FBXO11: variants seen among roughly 807,000 people sequenced by gnomAD.
The protein encoded by FBXO11 is F-box protein 11, also known as F-box only protein 11.
Under a neutral mutation model 117.0 loss-of-function variants are expected in FBXO11, and 13 were observed. That is an observed-to-expected ratio of 0.11 (90% confidence interval 0.07 to 0.18). The LOEUF (loss-of-function observed/expected upper bound fraction) is 0.18. Among genes scored for constraint, FBXO11 ranks in the 10% least tolerant of loss-of-function variants. The probability of loss-of-function intolerance (pLI) is 1.00; values close to 1 mark genes in which losing one functional copy is unlikely to be tolerated. For synonymous variants in FBXO11, 490 were observed against 380.5 expected (o/e 1.29, Z -3.35); for missense variants, 767 against 1,164.4 (o/e 0.66, Z 4.97).
At position 47,818,874 on chromosome 2, in the gene FBXO11, A is replaced by G; in HGVS notation, c.1921-10T>C. 1 of 182,708 alleles carries G rather than the reference A, an allele frequency of 5.5e-6. No homozygotes were observed. The highest frequency in any genetic ancestry group is 9.8e-6 in the Non-Finnish European group (1 of 102,500). 11.3% of individuals were successfully genotyped at this position (182,708 alleles called of 1,614,324 possible). ...AAAAATAAACACCAACCTAAAATTT[A>G]AAAAAAAAAAAAAAGCTTTTTCAAG... On this transcript the variant is annotated splice_polypyrimidine_tract_variant and intron_variant, in intron 15 of 22. Transcript: ENST00000403359.
At chr2:47,901,360 AAC>A (rs1678289274) in intron 1 of FBXO11, among the ~76,000 whole-genome samples, 1 of 151,746 alleles carries the variant, frequency 6.6e-6, no homozygotes, top group Non-Finnish European at 1.5e-5. Flanking sequence ...AGCACTTCAA[AAC>A]AGTCCTGTGA....
intron 11 of FBXO11, among the ~76,000 whole-genome samples, chr2:47,825,749 G>C (rs1429939265): frequency 1.3e-5 from 2 of 151,784 alleles, no homozygotes; most frequent in African/African-American, 2.4e-5. Context: ...GCCAATTTTT[G>C]TGTTTTTAGT....
intron 1 of FBXO11, among the ~76,000 whole-genome samples, chr2:47,901,037 G>C (rs144624130): frequency 7.3e-6 from 1 of 136,690 alleles, no homozygotes; most frequent in Non-Finnish European, 1.6e-5. Flanking sequence ...ATATACACAC[G>C]TGTGTACATA....
chr2:47,808,500 T>C (rs1242897512), intron 21 of FBXO11, 73 bp from the exon 22 acceptor site: 201 of 1,316,480 alleles, frequency 1.5e-4, no homozygotes, highest in Non-Finnish European at 2.0e-4. Context: ...TGTTTATATA[T>C]TACTATGACC....
intron 1 of FBXO11, among the ~76,000 whole-genome samples, chr2:47,868,485 T>C (rs1675366834): frequency 1.3e-5 from 2 of 152,130 alleles, no homozygotes. Context: ...TTTCTTGAAA[T>C]ATTTGTTTGA....
rs368717805 is a variant in FBXO11, at chr2:47,839,022, A to G, written c.443-19T>C. 5 of 1,591,188 alleles carry G rather than the reference A, an allele frequency of 3.1e-6. No homozygotes were observed. In the African/African-American group the frequency reaches 6.7e-5, roughly 21 times the overall value. Reference sequence around the variant, plus strand: ...GGTGCTGCTATAAAGAGATTAACATATAAACTATCATTCGAGCAATAACTT... The same window carrying G: ...GGTGCTGCTATAAAGAGATTAACATGTAAACTATCATTCGAGCAATAACTT... On this transcript the variant is annotated intron_variant, in intron 3 of 22. Transcript: ENST00000403359.
intron 1 of FBXO11, among the ~76,000 whole-genome samples, chr2:47,903,909 C>G (rs1415800076): frequency 1.3e-5 from 2 of 152,106 alleles, no homozygotes; most frequent in Admixed American, 6.5e-5. Context: ...TTAAAATTTA[C>G]CCCCAAAATG....
intron 1 of FBXO11, among the ~76,000 whole-genome samples, chr2:47,882,742 G>C (rs1676526207): frequency 2.0e-5 from 3 of 152,074 alleles, no homozygotes; most frequent in Admixed American, 2.0e-4. Flanking sequence ...ATCTCTGCCT[G>C]CTTGGCTCAA....
At position 47,839,092 on chromosome 2, in the gene FBXO11, G is replaced by A. The variant is rs7557108; in HGVS notation, c.443-89C>T. ...CAGTTTTCATTTTATCTAATGAATA[G>A]CTTTTTTTTTTTGGATAATGGTCAT... On this transcript the variant is annotated intron_variant, in intron 3 of 22. Transcript: ENST00000403359. 7.4e-5 allele frequency: 99 copies of A among 1,344,078 alleles called. No individual in the cohort carries two copies. The Middle Eastern group carries it at 8.6e-4, about 12-fold the overall frequency. 83.3% of individuals were successfully genotyped at this position (1,344,078 alleles called of 1,614,324 possible).
At chr2:47,834,922 T>C (rs373538179) in intron 5 of FBXO11, 51 bp from the exon 6 acceptor site, 14 of 1,279,624 alleles carry the variant, frequency 1.1e-5, no homozygotes, top group Non-Finnish European at 1.5e-5. Flanking sequence ...ATAAACCTTA[T>C]ATTTAAATTA....
At chr2:47,871,445 G>C (rs1022468378) in intron 1 of FBXO11, among the ~76,000 whole-genome samples, 2 of 152,172 alleles carry the variant, frequency 1.3e-5, no homozygotes, top group Non-Finnish European at 2.9e-5. Flanking sequence ...TGATAAAGAT[G>C]TTAAATTTGG....
chr2:47,861,676 A>G (rs762342438), intron 1 of FBXO11, among the ~76,000 whole-genome samples: 3 of 152,110 alleles, frequency 2.0e-5, no homozygotes, highest in South Asian at 2.1e-4. Flanking sequence ...ATGTGGCCCA[A>G]TGAGACACAA....
intron 1 of FBXO11, among the ~76,000 whole-genome samples, chr2:47,863,844 G>C (rs1674981133): frequency 6.6e-6 from 1 of 152,010 alleles, no homozygotes; most frequent in Non-Finnish European, 1.5e-5. Flanking sequence ...GGGAGGTTGA[G>C]GCAGGAGAAT....
At chr2:47,890,224 T>C (rs1677158346) in intron 1 of FBXO11, among the ~76,000 whole-genome samples, 1 of 152,070 alleles carries the variant, frequency 6.6e-6, no homozygotes, top group Non-Finnish European at 1.5e-5. Context: ...ACCTCATCCT[T>C]CCAAAATGCT....
chr2:47,832,292 A>C, intron 11 of FBXO11, 57 bp downstream of exon 11: 1 of 1,434,388 alleles, frequency 7.0e-7, no homozygotes, highest in East Asian at 2.3e-5. Flanking sequence ...GCTGAAACAT[A>C]CTTGGAATTT....
chr2:47,855,759 G>A (rs1336594051), intron 1 of FBXO11, among the ~76,000 whole-genome samples: 2 of 151,942 alleles, frequency 1.3e-5, no homozygotes, highest in Non-Finnish European at 2.9e-5. Flanking sequence ...TTGAACCTGG[G>A]AGGCAGAGGT....
chr2:47,819,117 A>G (rs759438578), intron 14 of FBXO11, 39 bp from the exon 15 acceptor site: 9 of 1,599,482 alleles, frequency 5.6e-6, no homozygotes, highest in African/African-American at 4.1e-5. Context: ...TTTATCTTCT[A>G]TAAGCAAGGC....
chr2:47,867,926 T>C (rs115576558), intron 1 of FBXO11, among the ~76,000 whole-genome samples: 1,885 of 152,106 alleles, frequency 0.012, 30 homozygotes, highest in African/African-American at 0.041. Flanking sequence ...GAAACAACAA[T>C]TTTTTTTAAG....
intron 1 of FBXO11, among the ~76,000 whole-genome samples, chr2:47,898,941 CATTT>C (rs372944329): frequency 3.9e-5 from 6 of 151,916 alleles, no homozygotes; most frequent in Middle Eastern, 3.4e-3. Context: ...TCTACTTCTT[CATTT>C]ATTAAAAAAA....
Sources: gnomAD v4.1 joint callset for allele counts (sites outside exome capture counted in the v4.1 genomes callset) on GRCh38, gnomAD v4.1.1 for gene constraint, MANE v1.5 for transcripts, NCBI Gene and HGNC (gene_info 2026-07-23, HGNC 2026-07-21) for gene names.